The following DNAH9 variants were observed in gnomAD, a reference collection of about 807,000 sequenced individuals.
DNAH9 encodes the protein DNAH9 variant protein.
Under a neutral mutation model 471.6 loss-of-function variants are expected in DNAH9, and 345 were observed. That is an observed-to-expected ratio of 0.73 (90% CI 0.67 to 0.80). The LOEUF (loss-of-function observed/expected upper bound fraction) is 0.80. Ranked by LOEUF, DNAH9 falls within the 30% of genes least tolerant of loss-of-function variation. The pLI is 0.00. For synonymous variants in DNAH9, 2,093 were observed against 2,123.6 expected (o/e 0.99, Z 0.40); for missense variants, 5,407 against 5,609.2 (o/e 0.96, Z 1.15).
chr17:11,655,757 T>G (rs746389530), intron 14 of DNAH9, among the ~76,000 whole-genome samples: 20 of 151,980 alleles, frequency 1.3e-4, no homozygotes, highest in Admixed American at 2.6e-4. Flanking sequence ...GTGAAGTAAC[T>G]CAGGAATGGA....
intron 26 of DNAH9, among the ~76,000 whole-genome samples, chr17:11,708,617 C>T (rs1016615443): frequency 6.6e-6 from 1 of 152,064 alleles, no homozygotes; most frequent in Non-Finnish European, 1.5e-5. Context: ...TGGTTCCCAC[C>T]TTTTCATTCA....
intron 49 of DNAH9, among the ~76,000 whole-genome samples, chr17:11,848,771 A>C (rs1971309422): frequency 6.6e-6 from 1 of 152,170 alleles, no homozygotes; most frequent in African/African-American, 2.4e-5. Context: ...ATTTTAGATA[A>C]AGTGTAGATT....
intron 41 of DNAH9, among the ~76,000 whole-genome samples, chr17:11,790,913 G>A (rs1021449334): frequency 5.9e-5 from 9 of 151,966 alleles, no homozygotes; most frequent in African/African-American, 2.2e-4. Flanking sequence ...AGGATCTTGG[G>A]ACAATTTACC....
intron 44 of DNAH9, among the ~76,000 whole-genome samples, chr17:11,809,475 G>A (rs149576886): frequency 2.5e-4 from 38 of 152,248 alleles, no homozygotes; most frequent in Non-Finnish European, 4.3e-4. Context: ...GCTGAGGCAG[G>A]AGAATCCCTT....
chr17:11,746,229 G>T (rs1171512756), intron 31 of DNAH9, among the ~76,000 whole-genome samples: 1 of 152,122 alleles, frequency 6.6e-6, no homozygotes, highest in Non-Finnish European at 1.5e-5. Context: ...TGCATGGCTG[G>T]GGAGGCCTCA....
intron 22 of DNAH9, among the ~76,000 whole-genome samples, chr17:11,695,378 C>G (rs1350286965): frequency 6.6e-6 from 1 of 152,094 alleles, no homozygotes; most frequent in Non-Finnish European, 1.5e-5. Context: ...AACTCGATAG[C>G]TAAAATTTCT....
At chr17:11,768,128 G>A (rs1414957145) in intron 36 of DNAH9, among the ~76,000 whole-genome samples, 2 of 152,162 alleles carry the variant, frequency 1.3e-5, no homozygotes, top group African/African-American at 4.8e-5. Flanking sequence ...TACCTCTTCA[G>A]GAGTTCTTGA....
At chr17:11,910,570 C>A (rs182968594) in intron 61 of DNAH9, among the ~76,000 whole-genome samples, 21 of 152,208 alleles carry the variant, frequency 1.4e-4, no homozygotes, top group Non-Finnish European at 1.6e-4. Context: ...TGAGTATATA[C>A]CTGGGAGTAG....
At chr17:11,688,801 A>G (rs2074283096) in intron 19 of DNAH9, among the ~76,000 whole-genome samples, 3 of 152,282 alleles carry the variant, frequency 2.0e-5, no homozygotes, top group Middle Eastern at 6.8e-3. Flanking sequence ...TCTCCCACTT[A>G]AAGATCACCT....
chr17:11,655,634 A>G lies in DNAH9; in HGVS notation c.2595+2632A>G, dbSNP rs549583516. On this transcript the variant is annotated intron_variant, in intron 14 of 68. Coordinates refer to ENST00000262442, the MANE Select transcript of DNAH9 (RefSeq NM_001372.4). The stretch of plus-strand genomic sequence containing the variant: ...ATATATATACACACACACACACACC[A>G]TGTATATACATAGACACACACACAC... Among the ~76,000 whole-genome samples the G allele has an allele frequency of 2.7e-3, 369 of 139,216 alleles. 2 individuals carry two copies. The highest frequency in any genetic ancestry group is 5.5e-3 in the Admixed American group (75 of 13,588). 91.3% of individuals were successfully genotyped at this position (139,216 alleles called of 152,430 possible). A position where few individuals can be genotyped will look rare whatever the true frequency, so the allele number is the denominator to read the frequency against.
intron 39 of DNAH9, among the ~76,000 whole-genome samples, chr17:11,781,704 C>T (rs538152928): frequency 1.3e-5 from 2 of 151,900 alleles, no homozygotes; most frequent in East Asian, 3.9e-4. Flanking sequence ...TGATGGCAGG[C>T]GCCTGTAGTC....
chr17:11,934,071 G>T lies in DNAH9; in HGVS notation c.12489G>T (p.Gln4163His). Residue 4163 changes from glutamine to histidine, a missense_variant and splice_region_variant, in exon 65 of 69, where the codon CAG becomes CAT. Coordinates refer to ENST00000262442, the MANE Select transcript of DNAH9 (RefSeq NM_001372.4). ...ACATGGACTACAATGGTTATCATCA[G>T]GTGAGACTCTGCTCTGTGCTTCTGA... ...PGNMDYNGYH[Q>H]YIDAELPPES... 1 of 1,612,802 alleles carries T rather than the reference G, an allele frequency of 6.2e-7. No homozygotes were observed. Among genetic ancestry groups the T allele is most frequent in the Non-Finnish European group, 8.5e-7 (1 of 1,179,198 alleles).
Position 11,870,457 on chromosome 17 carries a change from A to G in DNAH9, c.10054-1141A>G, listed in dbSNP as rs192981561. On this transcript the variant is annotated intron_variant, in intron 51 of 68. Transcript: ENST00000262442. ...TCCAGCCACCACTGAATTACACAGC[A>G]GAGCCAGATGTTTTAATCTGGGGAA... is the stretch of plus-strand genomic sequence containing the variant. Among the ~76,000 whole-genome samples, 40 of 152,352 alleles carry G rather than the reference A, an allele frequency of 2.6e-4. No homozygotes were observed. The South Asian group carries it at 3.1e-3, about 12-fold the overall frequency.
intron 48 of DNAH9, among the ~76,000 whole-genome samples, chr17:11,828,056 A>G (rs1485832460): frequency 6.6e-6 from 1 of 152,146 alleles, no homozygotes; most frequent in East Asian, 1.9e-4. Context: ...TCAAAGCGCT[A>G]CTGCTGAGTC....
At chr17:11,857,830 G>GC (rs1971681308) in intron 50 of DNAH9, among the ~76,000 whole-genome samples, 1 of 151,986 alleles carries the variant, frequency 6.6e-6, no homozygotes, top group African/African-American at 2.4e-5. Flanking sequence ...CCTGCCCCCC[G>GC]CAACTCCCTC....
chr17:11,646,091 G>T (rs952071457), intron 11 of DNAH9, among the ~76,000 whole-genome samples: 1 of 151,952 alleles, frequency 6.6e-6, no homozygotes. Context: ...GTGTTAGCCA[G>T]GATTGTCTCG....
chr17:11,696,585 G>A lies in DNAH9; in HGVS notation c.4872+2138G>A, dbSNP rs148652191. ...CAAGAGCTTCTCAAACAGAGCCAAA[G>A]GATGAAAACATGCATAAGTTGTTTT... On this transcript the variant is annotated intron_variant, in intron 22 of 68. Transcript: ENST00000262442. 2.9e-3 allele frequency among the ~76,000 whole-genome samples: 438 copies of A among 152,136 alleles called. 1 individual carries two copies. Among genetic ancestry groups the A allele is most frequent in the African/African-American group, 9.9e-3 (411 of 41,520 alleles).
chr17:11,610,972 C>A (rs1289579641), intron 3 of DNAH9, among the ~76,000 whole-genome samples: 1 of 152,148 alleles, frequency 6.6e-6, no homozygotes, highest in Non-Finnish European at 1.5e-5. Context: ...AACAGCCTTT[C>A]CTGTGTTCCG....
At chr17:11,878,324 A>G (rs1456084097) in intron 53 of DNAH9, among the ~76,000 whole-genome samples, 1 of 152,176 alleles carries the variant, frequency 6.6e-6, no homozygotes, top group Non-Finnish European at 1.5e-5. Context: ...GTTGCATTAT[A>G]TGTAATATGT....
Sources: allele counts gnomAD v4.1 joint callset (sites outside exome capture counted in the v4.1 genomes callset), GRCh38; gene constraint gnomAD v4.1.1; transcripts MANE v1.5; gene names NCBI Gene and HGNC (gene_info 2026-07-23, HGNC 2026-07-21).